Variants in PHACTR4 observed in about 807,000 individuals in gnomAD.
The protein encoded by PHACTR4 is phosphatase and actin regulator 4, also known as protein phosphatase 1, regulatory subunit 124.
In PHACTR4, 51 loss-of-function variants were observed where a neutral mutation model predicts 72.7. The observed-to-expected ratio is 0.70, with a 90% CI of 0.56 to 0.89. The LOEUF (loss-of-function observed/expected upper bound fraction) is 0.89. Ranked by LOEUF, PHACTR4 falls within the 40% of genes least tolerant of loss-of-function variation. PHACTR4 has a pLI of 0.00. For missense variants in PHACTR4, 731 were observed against 861.8 expected (o/e 0.85, Z 1.90); for synonymous variants, 255 against 302.5 (o/e 0.84, Z 1.63).
chr1:28,475,729 C>CTTTTTTTTTTTTTTTT (rs71672836), intron 7 of PHACTR4, among the ~76,000 whole-genome samples: 10 of 135,290 alleles, frequency 7.4e-5, no homozygotes, highest in African/African-American at 2.7e-4. Flanking sequence ...AGTCCTTTGT[C>CTTTTTTTTTTTTTTTT]TTTTTTTTTT....
At chr1:28,455,945 A>G (rs1011808204) in intron 2 of PHACTR4, among the ~76,000 whole-genome samples, 2 of 152,198 alleles carry the variant, frequency 1.3e-5, no homozygotes, top group Admixed American at 6.5e-5. Context: ...AATCAAGCAC[A>G]TTTGCATGAG....
chr1:28,443,930 G>A (rs1372242953), intron 2 of PHACTR4, among the ~76,000 whole-genome samples: 1 of 151,776 alleles, frequency 6.6e-6, no homozygotes, highest in Non-Finnish European at 1.5e-5. Flanking sequence ...CTTTCCTTTG[G>A]ATATATTCCC....
intron 2 of PHACTR4, 74 bp from the exon 3 acceptor site, chr1:28,459,011 G>C: frequency 7.3e-7 from 1 of 1,362,108 alleles, no homozygotes; most frequent in Non-Finnish European, 1.0e-6. Flanking sequence ...CAGGAAGAGA[G>C]GGGAAGGGAC....
intron 2 of PHACTR4, among the ~76,000 whole-genome samples, chr1:28,433,884 C>T (rs1656457040): frequency 1.3e-5 from 2 of 151,544 alleles, no homozygotes; most frequent in African/African-American, 4.9e-5. Context: ...GGATTCAAGC[C>T]ATTCTCCTGC....
intron 2 of PHACTR4, among the ~76,000 whole-genome samples, chr1:28,445,211 C>A (rs1040488687): frequency 2.0e-5 from 3 of 152,082 alleles, no homozygotes; most frequent in Non-Finnish European, 2.9e-5. Flanking sequence ...CCTCAGCCCC[C>A]CAAAGTGCTG....
intron 1 of PHACTR4, among the ~76,000 whole-genome samples, chr1:28,393,861 A>G (rs2124206265): frequency 6.6e-6 from 1 of 151,624 alleles, no homozygotes; most frequent in Non-Finnish European, 1.5e-5. Context: ...ACATGCCACC[A>G]TACTGGCTAA....
At chr1:28,385,394 A>G (rs1446792244) in intron 1 of PHACTR4, among the ~76,000 whole-genome samples, 1 of 151,850 alleles carries the variant, frequency 6.6e-6, no homozygotes, top group Non-Finnish European at 1.5e-5. Flanking sequence ...AAATTCAAAA[A>G]TTAGCCAGGC....
At chr1:28,376,940 A>AT (rs1396970482) in intron 1 of PHACTR4, among the ~76,000 whole-genome samples, 1 of 145,012 alleles carries the variant, frequency 6.9e-6, no homozygotes, top group Admixed American at 7.0e-5. Context: ...CCCGGCCTTA[A>AT]TTTTTTTTTG....
At chr1:28,450,974 C>CTTTTTTTTTTTATTTTTT in intron 2 of PHACTR4, among the ~76,000 whole-genome samples, 1 of 72,076 alleles carries the variant, frequency 1.4e-5, no homozygotes, top group Non-Finnish European at 2.7e-5. Context: ...CCACACCCAG[C>CTTTTTTTTTTTATTTTTT]TTTTTTTTTT....
chr1:28,395,688 G>A (rs1302670692), intron 1 of PHACTR4, among the ~76,000 whole-genome samples: 5 of 143,888 alleles, frequency 3.5e-5, no homozygotes, highest in Non-Finnish European at 7.5e-5. Flanking sequence ...CGCCCAGGCT[G>A]GAGTGCAATG....
intron 2 of PHACTR4, chr1:28,454,026 G>A: frequency 2.7e-6 from 1 of 377,338 alleles, no homozygotes; most frequent in Non-Finnish European, 5.0e-6. Flanking sequence ...GACCAGCCTG[G>A]GCAAGATAGC....
At chr1:28,391,494 G>A (rs1184764669) in intron 1 of PHACTR4, among the ~76,000 whole-genome samples, 2 of 151,642 alleles carry the variant, frequency 1.3e-5, no homozygotes, top group Non-Finnish European at 2.9e-5. Context: ...GGTGGGAGTG[G>A]AGATTGGGAA....
chr1:28,420,243 A>G (rs1439129696), intron 2 of PHACTR4, among the ~76,000 whole-genome samples: 1 of 152,116 alleles, frequency 6.6e-6, no homozygotes, highest in Non-Finnish European at 1.5e-5. Flanking sequence ...CTCATCATGA[A>G]TTGTAAACCC....
intron 2 of PHACTR4, among the ~76,000 whole-genome samples, chr1:28,419,142 C>T (rs1655329908): frequency 6.6e-6 from 1 of 150,436 alleles, no homozygotes; most frequent in Non-Finnish European, 1.5e-5. Flanking sequence ...CCCCCATGCC[C>T]AGCTAATTTT....
Position 28,467,896 on chromosome 1 carries a change from G to A in PHACTR4, c.823+1128G>A, listed in dbSNP as rs563373528. Among the ~76,000 whole-genome samples, 5 of 152,232 alleles carry A rather than the reference G, an allele frequency of 3.3e-5. No homozygotes were observed. The South Asian group carries it at 1.0e-3, about 32-fold the overall frequency. On this transcript the variant is annotated intron_variant, in intron 6 of 13. Transcript: ENST00000373839. ...TTCTTAGAAGAATTTTCAAGAAAGG[G>A]AGAGGAAAGCTAATGAGTGCTTCAA...
intron 2 of PHACTR4, among the ~76,000 whole-genome samples, chr1:28,425,935 A>G (rs1035599035): frequency 6.6e-6 from 1 of 152,100 alleles, no homozygotes; most frequent in Non-Finnish European, 1.5e-5. Flanking sequence ...ATAGATGTCA[A>G]CTGGGCCGGG....
chr1:28,441,417 C>G (rs1657022459), intron 2 of PHACTR4, among the ~76,000 whole-genome samples: 1 of 152,070 alleles, frequency 6.6e-6, no homozygotes, highest in South Asian at 2.1e-4. Context: ...AATTGATTCC[C>G]TTGACTTGTA....
rs532104371 is a variant in PHACTR4 at position 28,408,535 on chromosome 1, G to A, written c.16+1072G>A. ...GATCATGCCACTGCACTCCAGCCTC[G>A]GCAACACAGGGAGACTCTGTCTTAA... On this transcript the variant is annotated intron_variant, in intron 2 of 13. Coordinates refer to ENST00000373839, the MANE Select transcript of PHACTR4 (RefSeq NM_001048183.3). 1.2e-4 allele frequency among the ~76,000 whole-genome samples: 18 copies of A among 151,798 alleles called. No homozygotes were observed. In the South Asian group the frequency reaches 3.3e-3, roughly 28 times the overall value.
chr1:28,432,068 G>A (rs973861897), intron 2 of PHACTR4, among the ~76,000 whole-genome samples: 1 of 152,118 alleles, frequency 6.6e-6, no homozygotes, highest in Admixed American at 6.5e-5. Flanking sequence ...AATTAGCTGG[G>A]TGTGGTGGCT....
Sources: allele counts gnomAD v4.1 joint callset (sites outside exome capture counted in the v4.1 genomes callset), GRCh38; gene constraint gnomAD v4.1.1; transcripts MANE v1.5; gene names NCBI Gene and HGNC (gene_info 2026-07-23, HGNC 2026-07-21).